TRIM14: variants seen among roughly 807,000 people sequenced by gnomAD.
The protein encoded by TRIM14 is tripartite motif-containing protein 14.
In TRIM14, 28 loss-of-function variants were observed where a neutral mutation model predicts 44.5. That is an observed-to-expected ratio of 0.63 (90% CI 0.47 to 0.86). The LOEUF (loss-of-function observed/expected upper bound fraction) is 0.86. Ranked by LOEUF, TRIM14 falls within the 40% of genes least tolerant of loss-of-function variation. TRIM14 has a pLI of 0.00. For missense variants in TRIM14, 607 were observed against 611.1 expected, an observed-to-expected ratio of 0.99 and a Z score of 0.07; for synonymous variants, 299 against 269.2, an observed-to-expected ratio of 1.11 and a Z score of -1.08.
At chr9:98,056,728 G>C in the TRIM14 span, 3 of 1,529,178 alleles carry the variant, frequency 2.0e-6, no homozygotes, top group Non-Finnish European at 2.6e-6. Context: ...TCGCAGCGTT[G>C]CTCACAGAAC....
intron 6 of TRIM14, chr9:98,074,897 G>A (rs1587920687): frequency 6.6e-6 from 1 of 152,164 alleles, no homozygotes. Context: ...AAGTGAGAAG[G>A]GTAGGAAAAT....
intron 6 of TRIM14, among the ~76,000 whole-genome samples, chr9:98,069,906 T>C (rs997725209): frequency 1.3e-5 from 2 of 152,154 alleles, no homozygotes; most frequent in African/African-American, 4.8e-5. Flanking sequence ...TGAATACTTG[T>C]AGAAATGGTG....
At chr9:98,100,884 CAAAA>C (rs1407093078) in intron 2 of TRIM14, among the ~76,000 whole-genome samples, 1 of 151,832 alleles carries the variant, frequency 6.6e-6, no homozygotes, top group East Asian at 1.9e-4. Flanking sequence ...GGAAAACAAA[CAAAA>C]GAGAAGGTCC....
the TRIM14 span, among the ~76,000 whole-genome samples, chr9:98,049,338 C>CAAAAA: frequency 2.6e-5 from 1 of 38,556 alleles, no homozygotes; most frequent in Admixed American, 4.4e-4. Context: ...TGAGACTCTG[C>CAAAAA]ATAAAAAAAA....
the TRIM14 span, among the ~76,000 whole-genome samples, chr9:98,063,332 C>T: frequency 6.6e-6 from 1 of 152,124 alleles, no homozygotes; most frequent in Non-Finnish European, 1.5e-5. Flanking sequence ...ACCTCTGCCT[C>T]CCAGGTTCAA....
the TRIM14 span, among the ~76,000 whole-genome samples, chr9:98,041,996 T>C: frequency 6.6e-6 from 1 of 151,226 alleles, no homozygotes; most frequent in African/African-American, 2.4e-5. Context: ...GGACATCTTT[T>C]AAAAAAAAGT....
chr9:98,036,092 C>T, the TRIM14 span, among the ~76,000 whole-genome samples: 1 of 150,886 alleles, frequency 6.6e-6, no homozygotes, highest in Non-Finnish European at 1.5e-5. Context: ...GCCTGTAATC[C>T]CAGCTGAGGC....
At chr9:98,041,972 C>T in the TRIM14 span, among the ~76,000 whole-genome samples, 2 of 151,520 alleles carry the variant, frequency 1.3e-5, no homozygotes, top group African/African-American at 2.4e-5. Context: ...CAAGAGCCAC[C>T]GCGCCTGGCC....
the TRIM14 span, among the ~76,000 whole-genome samples, chr9:98,053,802 A>AAAATAAATAAAT: frequency 0.071 from 10,364 of 146,334 alleles, 501 homozygotes; most frequent in South Asian, 0.19. Context: ...AGCCCACTAC[A>AAAATAAATAAAT]AAATAAATAA....
At chr9:98,110,069 C>T in intron 1 of TRIM14, 85 bp from the exon 2 acceptor site, 1 of 1,017,496 alleles carries the variant, frequency 9.8e-7, no homozygotes, top group Non-Finnish European at 1.5e-6. Flanking sequence ...CTCCTCTTAC[C>T]CTTGTATTCT....
the TRIM14 span, among the ~76,000 whole-genome samples, chr9:98,045,225 A>G: frequency 6.0e-5 from 9 of 150,466 alleles, no homozygotes; most frequent in Non-Finnish European, 1.0e-4. Flanking sequence ...AATTGTGCTC[A>G]GCCACCCCTA....
At chr9:98,071,659 T>C (rs999421080) in intron 6 of TRIM14, among the ~76,000 whole-genome samples, 1 of 152,206 alleles carries the variant, frequency 6.6e-6, no homozygotes, top group African/African-American at 2.4e-5. Flanking sequence ...ACTCTCAGTG[T>C]GACCTTGGTG....
the TRIM14 span, among the ~76,000 whole-genome samples, chr9:98,053,715 G>A: frequency 1.3e-5 from 2 of 151,942 alleles, no homozygotes; most frequent in Non-Finnish European, 2.9e-5. Context: ...AGGTTTCCAG[G>A]TTCCCTTTCT....
At position 98,086,308 on chromosome 9, in the gene TRIM14, G is replaced by GC. The variant is rs903737186; in HGVS notation, c.*1161dup. The GC allele has an allele frequency of 6.6e-6, 1 of 152,198 alleles. No homozygotes were observed. The highest frequency in any genetic ancestry group is 1.5e-5 in the Non-Finnish European group (1 of 68,096). The allele number at this position is 152,198 out of a possible 1,614,324, so 9.4% of individuals were successfully genotyped here. A position where few individuals can be genotyped will look rare whatever the true frequency, so the allele number is the denominator to read the frequency against. ...GGTGGGTGAACGGGGCACACGTCTG[G>GC]CCCCCCTATATCACCCCGGGGTAAC... On this transcript the variant is annotated 3_prime_UTR_variant, in exon 6 of 6. Transcript: ENST00000341469.
intron 1 of TRIM14, among the ~76,000 whole-genome samples, chr9:98,113,324 T>C (rs1190426187): frequency 6.6e-6 from 1 of 152,074 alleles, no homozygotes; most frequent in Non-Finnish European, 1.5e-5. Flanking sequence ...CTGACTGAAA[T>C]TGGATGATAG....
downstream of TRIM14, among the ~76,000 whole-genome samples, chr9:98,084,113 C>T (rs1404057427): frequency 1.3e-5 from 2 of 151,154 alleles, no homozygotes; most frequent in East Asian, 2.0e-4. Flanking sequence ...ACGCTGAAAT[C>T]GGTGGGGAGG....
chr9:98,076,446 C>G, intron 6 of TRIM14: 1 of 161,912 alleles, frequency 6.2e-6, no homozygotes, highest in Non-Finnish European at 1.3e-5. Context: ...ATGATCTCAG[C>G]TCACTGCAAC....
At chr9:98,052,674 A>G in the TRIM14 span, among the ~76,000 whole-genome samples, 1 of 152,056 alleles carries the variant, frequency 6.6e-6, no homozygotes, top group Non-Finnish European at 1.5e-5. Flanking sequence ...CGCCTGCCTA[A>G]TTTTATATTT....
At chr9:98,071,708 G>A (rs1377178166) in intron 6 of TRIM14, among the ~76,000 whole-genome samples, 1 of 152,172 alleles carries the variant, frequency 6.6e-6, no homozygotes, top group Non-Finnish European at 1.5e-5. Flanking sequence ...CATTTTCCGT[G>A]TGTGACCAAG....
Sources: allele counts gnomAD v4.1 joint callset (sites outside exome capture counted in the v4.1 genomes callset), GRCh38; gene constraint gnomAD v4.1.1; transcripts MANE v1.5; gene names NCBI Gene and HGNC (gene_info 2026-07-23, HGNC 2026-07-21).